KMT2B: variants seen among roughly 807,000 people sequenced by gnomAD.
The protein encoded by KMT2B is lysine methyltransferase 2B.
In KMT2B, 22 loss-of-function variants were observed where a neutral mutation model predicts 255.3. That is an observed-to-expected ratio of 0.09 (90% CI 0.06 to 0.12). KMT2B has a LOEUF of 0.12. Ranked by LOEUF, KMT2B falls within the 10% of genes least tolerant of loss-of-function variation. The pLI, the probability that KMT2B is intolerant of heterozygous loss-of-function variation, is 1.00. For missense variants in KMT2B, 3,149 were observed against 3,737.0 expected, an observed-to-expected ratio of 0.84 and a Z score of 4.10; for synonymous variants, 1,730 against 1,498.1, an observed-to-expected ratio of 1.15 and a Z score of -3.57.
chr19:35,732,201 C>T lies in KMT2B; in HGVS notation c.5666-14C>T. The T allele has an allele frequency of 6.4e-7, 1 of 1,573,822 alleles. No homozygotes were observed. The highest frequency in any genetic ancestry group is 8.7e-7 in the Non-Finnish European group (1 of 1,154,390). On this transcript the variant is annotated splice_polypyrimidine_tract_variant and intron_variant, in intron 27 of 36. Transcript: ENST00000420124. The stretch of plus-strand genomic sequence containing the variant: ...AGGTGGGAGCTGCTGGTAACACCAA[C>T]CCTCCCCCCACAGGAAGTCCATCTT...
rs1396974183 is a variant in KMT2B, at chr19:35,718,064, G to A, written c.46G>A (p.Ala16Thr). The A allele has an allele frequency of 1.0e-6, 1 of 986,816 alleles. No individual in the cohort carries two copies. Among genetic ancestry groups the A allele is most frequent in the Non-Finnish European group, 1.2e-6 (1 of 832,224 alleles). The allele number at this position is 986,816 out of a possible 1,614,324, so 61.1% of individuals were successfully genotyped here. A position where few individuals can be genotyped will look rare whatever the true frequency, so the allele number is the denominator to read the frequency against. The change falls in exon 1 of 37, where the codon GCG (alanine) becomes ACG (threonine). Residue 16 changes from alanine to threonine, a missense_variant. By Grantham distance (58) the Ala-to-Thr change is moderately conservative (BLOSUM62 0). Around this residue, in one of 18 missense-constraint regions of KMT2B, gnomAD observed 15 missense variants for 16.8 expected, o/e 0.89. Transcript: ENST00000420124. This position sits in a 1 kb window ranked among gnomAD's most constrained non-coding sequence, Gnocchi z 5.0. ...CGGCAGTTGCCCCGGGCCTGGCTCC[G>A]CGCGGGGCCGCTTCCCGGGCCGGCC... ...GGGSCPGPGS[A>T]RGRFPGRPRG...
In KMT2B at chr19:35,725,067, C is replaced by T. The variant is rs1352287057; in HGVS notation, c.3508C>T (p.Arg1170Cys). 1.2e-6 allele frequency: 2 copies of T among 1,613,030 alleles called. No homozygotes were observed. The highest frequency in any genetic ancestry group is 8.5e-7 in the Non-Finnish European group (1 of 1,179,194). Residue 1170 changes from arginine to cysteine, a missense_variant, in exon 10 of 37, where the codon CGC (arginine) becomes TGC (cysteine). Around this residue, in one of 18 missense-constraint regions of KMT2B, gnomAD observed 42 missense variants for 121.0 expected, o/e 0.35. Coordinates refer to ENST00000420124, the MANE Select transcript of KMT2B (RefSeq NM_014727.3). This position sits in a 1 kb window ranked among gnomAD's most constrained non-coding sequence, Gnocchi z 4.1. The stretch of plus-strand genomic sequence containing the variant: ...GCAGAAGTCTCCCGATGGTGTGCAC[C>T]GCGTCCGTGTGGATTTTAAGGTATG... ...GKQKSPDGVH[R>C]VRVDFKEDCD...
chr19:35,724,758 C>T (rs1008904256), intron 9 of KMT2B, 27 bp downstream of exon 9: 44 of 1,549,130 alleles, frequency 2.8e-5, no homozygotes, highest in Non-Finnish European at 3.8e-5. Flanking sequence ...CCGAGAGCCC[C>T]TTCCCTCCAG....
chr19:35,727,381 C>T lies in KMT2B; in HGVS notation c.4118-57C>T. The T allele has an allele frequency of 1.2e-6, 2 of 1,600,258 alleles. No individual in the cohort carries two copies. The highest frequency in any genetic ancestry group is 1.7e-6 in the Non-Finnish European group (2 of 1,168,280). On this transcript the variant is annotated intron_variant, in intron 15 of 36. Transcript: ENST00000420124. The surrounding 1 kb of genome is among the most constrained non-coding windows in gnomAD (Gnocchi z 4.2). ...AGGGTCCTTGCTGGCCTAGGGGCTGCTGGGAGCCCTCACATCCTCTGAAAC... is the reference window on the plus strand; with the variant it reads ...AGGGTCCTTGCTGGCCTAGGGGCTGTTGGGAGCCCTCACATCCTCTGAAAC...
At position 35,723,080 on chromosome 19, in the gene KMT2B, A is replaced by G; in HGVS notation, c.2808A>G (p.Ser936=). ...AGGCAGCAGGCCCTGGGGGAGAATC[A>G]GAGCCCACAGGTTCTGGAGGGACCC... ...KVEAAGPGGE[S]EPTGSGGTLA... Residue 936 remains serine, a synonymous_variant, in exon 6 of 37, where the codon TCA becomes TCG. Coordinates refer to ENST00000420124, the MANE Select transcript of KMT2B (RefSeq NM_014727.3). This position sits in a 1 kb window ranked among gnomAD's most constrained non-coding sequence, Gnocchi z 7.5. 2 of 1,613,090 alleles carry G rather than the reference A, an allele frequency of 1.2e-6. No individual in the cohort carries two copies. Among genetic ancestry groups the G allele is most frequent in the Non-Finnish European group, 1.7e-6 (2 of 1,179,792 alleles).
In KMT2B at chr19:35,732,865, C is replaced by T. The variant is rs771441672; in HGVS notation, c.6316C>T (p.Pro2106Ser). 11 of 1,609,898 alleles carry T rather than the reference C, an allele frequency of 6.8e-6. No homozygotes were observed. The South Asian group carries it at 1.2e-4, about 18-fold the overall frequency. Reference sequence around the variant, plus strand: ...GGCTGCAGGGGACAGGGCCCGGCCTCCTGAGGACCTGCCATCGGAAATTGT... The same window carrying T: ...GGCTGCAGGGGACAGGGCCCGGCCTTCTGAGGACCTGCCATCGGAAATTGT... ...LGAAGDRARP[P>S]EDLPSEIVDF... The change falls in exon 28 of 37, where the codon CCT becomes TCT. Residue 2106 changes from proline to serine, a missense_variant. By Grantham distance (74) the Pro-to-Ser change is moderately conservative. Transcript: ENST00000420124.
chr19:35,725,127 G>A lies in KMT2B; in HGVS notation c.3528+40G>A, dbSNP rs756684878. The A allele has an allele frequency of 6.3e-7, 1 of 1,586,708 alleles. No homozygotes were observed. Among genetic ancestry groups the A allele is most frequent in the Non-Finnish European group, 8.7e-7 (1 of 1,155,110 alleles). Reference sequence around the variant, plus strand: ...GGGGCGAGTCACAGAGCCTCTGGTTGGAAGAACCTCGATGACTGTGTCATC... The same window carrying A: ...GGGGCGAGTCACAGAGCCTCTGGTTAGAAGAACCTCGATGACTGTGTCATC... On this transcript the variant is annotated intron_variant, in intron 10 of 36. Transcript: ENST00000420124. This position sits in a 1 kb window ranked among gnomAD's most constrained non-coding sequence, Gnocchi z 4.1.
Position 35,733,502 on chromosome 19 carries a change from G to A in KMT2B, c.6953G>A (p.Ser2318Asn), listed in dbSNP as rs1969804784. ...EDTPQVPGLG[S>N]GGFSRVRMKT... ...ACCCCTCAGGTTCCAGGGCTTGGCA[G>A]TGGCGGGTGAGTGCGGGTGCTGAGG... is the stretch of plus-strand genomic sequence containing the variant. The change falls in exon 28 of 37, where the codon AGT becomes AAT. Residue 2318 changes from serine (S) to asparagine (N), a missense_variant. By Grantham distance (46) the Ser-to-Asn change is conservative. Coordinates refer to ENST00000420124, the MANE Select transcript of KMT2B (RefSeq NM_014727.3). This position sits in a 1 kb window ranked among gnomAD's most constrained non-coding sequence, Gnocchi z 4.3. 2 of 1,555,414 alleles carry A rather than the reference G, an allele frequency of 1.3e-6. No individual in the cohort carries two copies. Among genetic ancestry groups the A allele is most frequent in the Non-Finnish European group, 1.7e-6 (2 of 1,149,852 alleles).
Position 35,732,958 on chromosome 19 carries a change from C to A in KMT2B, c.6409C>A (p.Pro2137Thr). 6.2e-7 allele frequency: 1 copy of A among 1,605,272 alleles called. No homozygotes were observed. The highest frequency in any genetic ancestry group is 8.5e-7 in the Non-Finnish European group (1 of 1,176,650). The change falls in exon 28 of 37, where the codon CCC becomes ACC. Residue 2137 changes from proline (P) to threonine (T), a missense_variant. By Grantham distance (38) the Pro-to-Thr change is conservative (BLOSUM62 -1). Coordinates refer to ENST00000420124, the MANE Select transcript of KMT2B (RefSeq NM_014727.3). ...TGCTGGCCCTAGAGAGGAGTCACTC[C>A]CCCCGGCGCCTCCCCTGGCTAATGG... is the stretch of plus-strand genomic sequence containing the variant. ...GGAGPREESLPPAPPLANGSQ... is the reference protein window; with the variant it reads ...GGAGPREESLTPAPPLANGSQ...
At chr19:35,719,677 C>T in intron 2 of KMT2B, 107 bp from the exon 3 acceptor site, 1 of 1,514,582 alleles carries the variant, frequency 6.6e-7, no homozygotes, top group South Asian at 1.3e-5. Flanking sequence ...CTAGTCTGGG[C>T]AGCGGGGGAA....
chr19:35,732,893 A>G lies in KMT2B; in HGVS notation c.6344A>G (p.Asp2115Gly). 1.9e-6 allele frequency: 3 copies of G among 1,610,398 alleles called. No individual in the cohort carries two copies. In the South Asian group the frequency reaches 3.3e-5, roughly 18 times the overall value. The stretch of plus-strand genomic sequence containing the variant: ...GAGGACCTGCCATCGGAAATTGTGG[A>G]TTTTGTGTTGAAGAACCTAGGGGGT... ...PPEDLPSEIV[D>G]FVLKNLGGPG... The change falls in exon 28 of 37, where the codon GAT becomes GGT. Residue 2115 changes from aspartate to glycine, a missense_variant. By Grantham distance (94) the Asp-to-Gly change is moderately conservative. Around this residue, in one of 18 missense-constraint regions of KMT2B, gnomAD observed 897 missense variants for 825.3 expected, o/e 1.09. Transcript: ENST00000420124.
chr19:35,737,489 G>C lies in KMT2B; in HGVS notation c.7551-147G>C. On this transcript the variant is annotated intron_variant, in intron 33 of 36. Transcript: ENST00000420124. The surrounding 1 kb of genome is among the most constrained non-coding windows in gnomAD (Gnocchi z 5.3). ...ATGAGCCCAGGAGTTGGAGACCAGCGTAGGCAACATGGCAAAACCCCATCT... is the reference window on the plus strand; with the variant it reads ...ATGAGCCCAGGAGTTGGAGACCAGCCTAGGCAACATGGCAAAACCCCATCT... The C allele has an allele frequency of 2.7e-6, 2 of 745,242 alleles. No homozygotes were observed. Among genetic ancestry groups the C allele is most frequent in the Non-Finnish European group, 4.3e-6 (2 of 469,062 alleles). The allele number at this position is 745,242 out of a possible 1,614,324, so 46.2% of individuals were successfully genotyped here.
At position 35,737,185 on chromosome 19, in the gene KMT2B, G is replaced by T; in HGVS notation, c.7472G>T (p.Arg2491Leu). The T allele has an allele frequency of 2.5e-6, 4 of 1,601,496 alleles. No homozygotes were observed. Among genetic ancestry groups the T allele is most frequent in the Non-Finnish European group, 3.4e-6 (4 of 1,174,264 alleles). ...GAQRCQHYKF[R>L]YHQQGEGQEE... is the part of the protein sequence containing the mutation. ...CAGCGTTGCCAGCACTATAAGTTCCGTTACCACCAGCAGGGAGAGGGCCAG... is the reference window on the plus strand; with the variant it reads ...CAGCGTTGCCAGCACTATAAGTTCCTTTACCACCAGCAGGGAGAGGGCCAG... Residue 2491 changes from arginine to leucine, a missense_variant, in exon 33 of 37, where the codon CGT becomes CTT. Arg to Leu is a moderately radical substitution (Grantham distance 102). Around this residue, in one of 18 missense-constraint regions of KMT2B, gnomAD observed 103 missense variants for 200.7 expected, o/e 0.51. Coordinates refer to ENST00000420124, the MANE Select transcript of KMT2B (RefSeq NM_014727.3). This position sits in a 1 kb window ranked among gnomAD's most constrained non-coding sequence, Gnocchi z 5.3.
chr19:35,721,898 G>A, intron 3 of KMT2B, 94 bp downstream of exon 3: 2 of 1,428,332 alleles, frequency 1.4e-6, no homozygotes, highest in Admixed American at 2.8e-5. Context: ...ACACTTTCCA[G>A]CATTGCGGGG....
intron 30 of KMT2B, among the ~76,000 whole-genome samples, chr19:35,734,567 G>A (rs188522277): frequency 1.3e-5 from 2 of 152,342 alleles, no homozygotes; most frequent in African/African-American, 4.8e-5. Flanking sequence ...AAGGCAGTGG[G>A]AAGAGGCCTG....
Position 35,726,245 on chromosome 19 carries a change from G to C in KMT2B, c.3895G>C (p.Ala1299Pro). The C allele has an allele frequency of 6.2e-7, 1 of 1,613,432 alleles. No individual in the cohort carries two copies. ...CGCCCTGCTCCCCCAGATCTGTTCA[G>C]CCTGTGTGCGCTGTAAGAGCTGTGG... ...TRKRRHWICSACVRCKSCGAT... is the reference protein window; with the variant it reads ...TRKRRHWICSPCVRCKSCGAT... Residue 1299 changes from alanine (A) to proline (P), a missense_variant, in exon 14 of 37, where the codon GCC becomes CCC. Physicochemically the swap from Ala to Pro is conservative, Grantham distance 27. Around this residue, in one of 18 missense-constraint regions of KMT2B, gnomAD observed 377 missense variants for 471.0 expected, o/e 0.80. Transcript: ENST00000420124.
rs933903925 is a variant in KMT2B at position 35,718,608 on chromosome 19, C to T, written c.363+227C>T. ...AGGCACTCGCGCCCGATGTCGGTCC[C>T]GCTGAAGTGTCTTGGGCCGATCCTT... On this transcript the variant is annotated intron_variant, in intron 1 of 36. Coordinates refer to ENST00000420124, the MANE Select transcript of KMT2B (RefSeq NM_014727.3). This position sits in a 1 kb window ranked among gnomAD's most constrained non-coding sequence, Gnocchi z 5.0. 2.8e-4 allele frequency among the ~76,000 whole-genome samples: 43 copies of T among 152,214 alleles called. No individual in the cohort carries two copies. Among genetic ancestry groups the T allele is most frequent in the African/African-American group, 1.0e-3 (43 of 41,452 alleles).
Position 35,730,468 on chromosome 19 carries a change from C to T in KMT2B, c.5197+6C>T. On this transcript the variant is annotated splice_donor_region_variant and intron_variant, in intron 24 of 36. Coordinates refer to ENST00000420124, the MANE Select transcript of KMT2B (RefSeq NM_014727.3). ...TGCCATCAACGTGCTCATTGGTAAGCTGCCTGCTCTCCGCCCTGTCCTCCT... is the reference window on the plus strand; with the variant it reads ...TGCCATCAACGTGCTCATTGGTAAGTTGCCTGCTCTCCGCCCTGTCCTCCT... 2 of 1,613,958 alleles carry T rather than the reference C, an allele frequency of 1.2e-6. No homozygotes were observed. Among genetic ancestry groups the T allele is most frequent in the Non-Finnish European group, 1.7e-6 (2 of 1,179,804 alleles).
At position 35,736,930 on chromosome 19, in the gene KMT2B, T is replaced by A; in HGVS notation, c.7316T>A (p.Ile2439Asn). Residue 2439 changes from isoleucine (I) to asparagine (N), a missense_variant, in exon 32 of 37, where the codon ATC becomes AAC. By Grantham distance (149) the Ile-to-Asn change is moderately radical (BLOSUM62 -3). Transcript: ENST00000420124. ...TCCCCAGGGGCGTGGAGAACTCTGA[T>A]CGAGAAAGTGCAAGAGGCCCGAGGG... The part of the protein sequence containing the change: ...ESLEGAWRTL[I>N]EKVQEARGHA... The A allele has an allele frequency of 2.5e-6, 4 of 1,613,846 alleles. No individual in the cohort carries two copies. The highest frequency in any genetic ancestry group is 3.4e-6 in the Non-Finnish European group (4 of 1,179,844).
Sources: gnomAD v4.1 joint callset for allele counts (sites outside exome capture counted in the v4.1 genomes callset) on GRCh38, gnomAD v4.1.1 for gene constraint, gnomAD v4.1.1 regional missense constraint, Gnocchi (gnomAD v3.1) non-coding constraint, MANE v1.5 for transcripts, NCBI Gene and HGNC (gene_info 2026-07-23, HGNC 2026-07-21) for gene names.